ZMAT4: variants seen among roughly 807,000 people sequenced by gnomAD.
ZMAT4 encodes zinc finger matrin-type protein 4.
ZMAT4 carries 17 observed loss-of-function variants against 28.7 expected under a neutral mutation model. That is an observed-to-expected ratio of 0.59 (90% CI 0.41 to 0.89). The LOEUF (loss-of-function observed/expected upper bound fraction) is 0.89. Ranked by LOEUF, ZMAT4 falls within the 40% of genes least tolerant of loss-of-function variation. The probability of loss-of-function intolerance (pLI) is 0.00; values close to 1 mark genes in which losing one functional copy is unlikely to be tolerated. For synonymous variants in ZMAT4, 117 were observed against 109.2 expected, an observed-to-expected ratio of 1.07 and a Z score of -0.44; for missense variants, 240 against 283.8, an observed-to-expected ratio of 0.85 and a Z score of 1.11.
intron 2 of ZMAT4, among the ~76,000 whole-genome samples, chr8:40,814,952 T>A (rs921292536): frequency 6.6e-6 from 1 of 152,176 alleles, no homozygotes; most frequent in African/African-American, 2.4e-5. Flanking sequence ...TACAATCAGA[T>A]AAAATAAATG....
chr8:40,595,367 T>C (rs1054516314), intron 5 of ZMAT4, among the ~76,000 whole-genome samples: 6 of 152,116 alleles, frequency 3.9e-5, no homozygotes, highest in African/African-American at 7.2e-5. Flanking sequence ...CACACACATA[T>C]ATATATGTGT....
chr8:40,625,626 A>T lies in ZMAT4; in HGVS notation c.578-44365T>A, dbSNP rs74798980. Among the ~76,000 whole-genome samples the T allele has an allele frequency of 6.5e-3, 984 of 152,228 alleles. 12 individuals are homozygous for T. Among genetic ancestry groups the T allele is most frequent in the African/African-American group, 0.023 (941 of 41,544 alleles). The stretch of plus-strand genomic sequence containing the variant: ...AAAGTAATTGTGCGGATGTGGTACC[A>T]TTTACAGCAACAAGGTGGGAGGCAG... On this transcript the variant is annotated intron_variant, in intron 5 of 6. Coordinates refer to ENST00000297737, the MANE Select transcript of ZMAT4 (RefSeq NM_024645.3).
At chr8:40,670,670 C>A (rs943648762) in intron 5 of ZMAT4, among the ~76,000 whole-genome samples, 5 of 152,104 alleles carry the variant, frequency 3.3e-5, no homozygotes, top group Admixed American at 3.3e-4. Context: ...AGCCTTCTAC[C>A]TCATCTCAAA....
In ZMAT4 at chr8:40,829,393, G is replaced by A. The variant is rs374886600; in HGVS notation, c.-4-3713C>T. On this transcript the variant is annotated intron_variant, in intron 1 of 6. Coordinates refer to ENST00000297737, the MANE Select transcript of ZMAT4 (RefSeq NM_024645.3). ...TAAGAGGCCTCCACCCGATGTGGAC[G>A]CAGTACTAGAGCAGGGAGTCTGGTC... Among the ~76,000 whole-genome samples the A allele has an allele frequency of 2.0e-5, 3 of 152,320 alleles. No homozygotes were observed. The East Asian group carries it at 5.8e-4, about 29-fold the overall frequency.
chr8:40,855,189 C>T (rs540648476), intron 1 of ZMAT4, among the ~76,000 whole-genome samples: 22 of 152,104 alleles, frequency 1.4e-4, no homozygotes, highest in African/African-American at 2.9e-4. Context: ...TCTTTGTAAA[C>T]GGTGTGTCCA....
At chr8:40,690,369 A>G (rs1408572643) in intron 4 of ZMAT4, among the ~76,000 whole-genome samples, 1 of 152,192 alleles carries the variant, frequency 6.6e-6, no homozygotes, top group Non-Finnish European at 1.5e-5. Flanking sequence ...CCAGCTCTGC[A>G]AATCTGTGAA....
chr8:40,773,589 TTA>T (rs1813474248), intron 2 of ZMAT4, among the ~76,000 whole-genome samples: 3 of 152,214 alleles, frequency 2.0e-5, no homozygotes, highest in Admixed American at 6.5e-5. Flanking sequence ...TGCAAAATAT[TTA>T]CTACAATAAG....
intron 3 of ZMAT4, among the ~76,000 whole-genome samples, chr8:40,740,520 C>A (rs1811956826): frequency 6.6e-6 from 1 of 152,174 alleles, no homozygotes; most frequent in Admixed American, 6.5e-5. Flanking sequence ...AGTTTCAATT[C>A]ATAGTAGTGA....
At chr8:40,665,217 A>G (rs543206448) in intron 5 of ZMAT4, among the ~76,000 whole-genome samples, 296 of 151,212 alleles carry the variant, frequency 2.0e-3, no homozygotes, top group Middle Eastern at 0.01. Flanking sequence ...AAAACAAACA[A>G]CAACAAAAAA....
At chr8:40,727,899 A>G (rs1811375577) in intron 3 of ZMAT4, among the ~76,000 whole-genome samples, 1 of 152,250 alleles carries the variant, frequency 6.6e-6, no homozygotes, top group Non-Finnish European at 1.5e-5. Flanking sequence ...TATTTGAATA[A>G]CATTTTATTT....
chr8:40,687,572 T>C (rs1255295743), intron 4 of ZMAT4, among the ~76,000 whole-genome samples: 1 of 152,152 alleles, frequency 6.6e-6, no homozygotes. Flanking sequence ...AACATTTTTT[T>C]TAAAGCACAA....
chr8:40,674,791 A>G lies in ZMAT4; in HGVS notation c.490T>C (p.Tyr164His). The G allele has an allele frequency of 6.2e-7, 1 of 1,613,958 alleles. No homozygotes were observed. Among genetic ancestry groups the G allele is most frequent in the Non-Finnish European group, 8.5e-7 (1 of 1,179,920 alleles). Residue 164 changes from tyrosine (Y) to histidine (H), a missense_variant, in exon 5 of 7, where the codon TAT (tyrosine) becomes CAT (histidine). Physicochemically the swap from Tyr to His is moderately conservative, Grantham distance 83. Transcript: ENST00000297737. Reference sequence around the variant, plus strand: ...TTCTTTTTGTGTTTCTTGCCATCATAATGTTGCTGGGCCATCAGAGGGTTA... The same window carrying G: ...TTCTTTTTGTGTTTCTTGCCATCATGATGTTGCTGGGCCATCAGAGGGTTA... ...FNNPLMAQQH[Y>H]DGKKHKKNAA...
chr8:40,607,438 G>A (rs1225245718), intron 5 of ZMAT4, among the ~76,000 whole-genome samples: 1 of 151,954 alleles, frequency 6.6e-6, no homozygotes, highest in Non-Finnish European at 1.5e-5. Flanking sequence ...CCTATATCTT[G>A]TATCCTTTTT....
At chr8:40,897,569 T>C (rs1278154668) in intron 1 of ZMAT4, 114 bp downstream of exon 1, 1 of 152,282 alleles carries the variant, frequency 6.6e-6, no homozygotes, top group Non-Finnish European at 1.5e-5. Context: ...CCCACCTTTA[T>C]CACATTCCCT....
intron 1 of ZMAT4, among the ~76,000 whole-genome samples, chr8:40,880,230 G>A (rs531926918): frequency 2.9e-4 from 44 of 152,114 alleles, no homozygotes; most frequent in African/African-American, 5.1e-4. Context: ...TTAGCCGAGC[G>A]TCGTGGCACA....
chr8:40,742,011 G>T (rs181352117), intron 3 of ZMAT4, among the ~76,000 whole-genome samples: 1 of 152,098 alleles, frequency 6.6e-6, no homozygotes, highest in East Asian at 1.9e-4. Flanking sequence ...GGCTGAGGCG[G>T]GCAGATCACT....
chr8:40,773,509 T>TAA (rs113357836), intron 2 of ZMAT4, among the ~76,000 whole-genome samples: 160 of 149,600 alleles, frequency 1.1e-3, no homozygotes, highest in South Asian at 1.7e-3. Context: ...GTGGCATCTA[T>TAA]AAAAAAAAAA....
intron 3 of ZMAT4, among the ~76,000 whole-genome samples, chr8:40,756,902 C>T (rs188764951): frequency 1.3e-5 from 2 of 152,048 alleles, no homozygotes; most frequent in African/African-American, 2.4e-5. Flanking sequence ...CAGCATTAGC[C>T]GTGAAGCAAT....
chr8:40,869,361 T>TTTTTG (rs1817776062), intron 1 of ZMAT4, among the ~76,000 whole-genome samples: 2 of 152,158 alleles, frequency 1.3e-5, no homozygotes, highest in Non-Finnish European at 2.9e-5. Flanking sequence ...TCTAAGGGGA[T>TTTTTG]TTTTGTTTTG....
Sources: gnomAD v4.1 joint callset for allele counts (sites outside exome capture counted in the v4.1 genomes callset) on GRCh38, gnomAD v4.1.1 for gene constraint, MANE v1.5 for transcripts, NCBI Gene and HGNC (gene_info 2026-07-23, HGNC 2026-07-21) for gene names.